LGSN: variants seen among roughly 807,000 people sequenced by gnomAD.
LGSN encodes lengsin, lens protein with glutamine synthetase domain, also known as lengsin.
A neutral mutation model predicts 19.5 loss-of-function variants in LGSN; 21 were observed. The observed-to-expected ratio is 1.07, with a 90% CI of 0.76 to 1.55. The LOEUF is 1.55. LGSN is among the 40% of genes most tolerant of loss of function. LGSN has a pLI of 0.00. For missense variants in LGSN, 673 were observed against 608.5 expected (o/e 1.11, Z -1.12); for synonymous variants, 257 against 215.6 (o/e 1.19, Z -1.68).
chr6:63,487,584 C>T, the LGSN span, among the ~76,000 whole-genome samples: 1 of 152,200 alleles, frequency 6.6e-6, no homozygotes, highest in Non-Finnish European at 1.5e-5. Context: ...GCATGGGCTT[C>T]AGGAGACAGA....
At chr6:63,323,559 TACACACACACACACACACAC>T (rs58400159), upstream of LGSN, among the ~76,000 whole-genome samples, 14 of 132,762 alleles carry the variant, frequency 1.1e-4, no homozygotes, top group Admixed American at 4.9e-4. Context: ...AAACCTCATA[TACACACACACACACACACAC>T]ACACACACAC....
chr6:63,503,951 T>C, the LGSN span, among the ~76,000 whole-genome samples: 4 of 151,906 alleles, frequency 2.6e-5, no homozygotes, highest in Middle Eastern at 3.2e-3. Flanking sequence ...ATGACAAATA[T>C]ATAAAAATTT....
chr6:63,416,597 A>G, the LGSN span, among the ~76,000 whole-genome samples: 1 of 151,980 alleles, frequency 6.6e-6, no homozygotes, highest in African/African-American at 2.4e-5. Context: ...TTTTTTTGAG[A>G]CGGAGTTTCA....
At chr6:63,512,003 C>A in the LGSN span, among the ~76,000 whole-genome samples, 5 of 152,022 alleles carry the variant, frequency 3.3e-5, no homozygotes, top group South Asian at 1.0e-3. Context: ...TACTATATGG[C>A]AAGAAGTATG....
the LGSN span, among the ~76,000 whole-genome samples, chr6:63,467,939 G>A: frequency 1.4e-4 from 21 of 151,776 alleles, no homozygotes; most frequent in African/African-American, 2.4e-5. Context: ...TGATCCACCC[G>A]CCTCAGCCTC....
At chr6:63,554,171 C>T in the LGSN span, among the ~76,000 whole-genome samples, 1 of 152,186 alleles carries the variant, frequency 6.6e-6, no homozygotes, top group Non-Finnish European at 1.5e-5. Context: ...ACAATCCTCA[C>T]CAGAAGTGTA....
At chr6:63,552,917 A>C in the LGSN span, among the ~76,000 whole-genome samples, 1 of 152,134 alleles carries the variant, frequency 6.6e-6, no homozygotes, top group Non-Finnish European at 1.5e-5. Context: ...CTGTTTTGGT[A>C]CTGTAGCCTT....
the LGSN span, among the ~76,000 whole-genome samples, chr6:63,504,712 G>T: frequency 1.3e-5 from 2 of 152,182 alleles, no homozygotes; most frequent in African/African-American, 4.8e-5. Flanking sequence ...CCAAAGTGCT[G>T]GGATTACAGG....
chr6:63,464,532 A>T, the LGSN span, among the ~76,000 whole-genome samples: 3,226 of 148,950 alleles, frequency 0.022, 135 homozygotes, highest in African/African-American at 0.075. Context: ...GTATGGAAAA[A>T]ATATATATAT....
At chr6:63,302,846 G>A (rs1267640341) in intron 1 of LGSN, among the ~76,000 whole-genome samples, 1 of 152,202 alleles carries the variant, frequency 6.6e-6, no homozygotes, top group South Asian at 2.1e-4. Context: ...TCTACACTCA[G>A]CCAGGCATGG....
At chr6:63,394,857 G>T in the LGSN span, 2 of 152,370 alleles carry the variant, frequency 1.3e-5, no homozygotes, top group Non-Finnish European at 2.9e-5. Context: ...AGGAAGACTT[G>T]CAGGAGGGCC....
At chr6:63,487,575 C>T in the LGSN span, among the ~76,000 whole-genome samples, 1 of 152,220 alleles carries the variant, frequency 6.6e-6, no homozygotes, top group Non-Finnish European at 1.5e-5. Context: ...TGTCTTCTTG[C>T]ATGGGCTTCA....
Position 63,289,626 on chromosome 6 carries a change from T to TA in LGSN, c.164-3874dup, listed in dbSNP as rs5876852. ...GTTTAGGGAAAAAATAAGAAAATAT[T>TA]AAAAAAAAAAAACCTTAAAGCTCTA... is the stretch of plus-strand genomic sequence containing the variant. On this transcript the variant is annotated intron_variant, in intron 2 of 3. Coordinates refer to ENST00000370657, the MANE Select transcript of LGSN (RefSeq NM_016571.3). Among the ~76,000 whole-genome samples, 1,238 of 145,964 alleles carry TA rather than the reference T, an allele frequency of 8.5e-3. 4 individuals are homozygous for TA. Among genetic ancestry groups the TA allele is most frequent in the Middle Eastern group, 0.014 (4 of 286 alleles).
chr6:63,481,226 G>A, the LGSN span, among the ~76,000 whole-genome samples: 7 of 152,162 alleles, frequency 4.6e-5, no homozygotes, highest in East Asian at 1.2e-3. Context: ...AAGGGGCGGT[G>A]CTAGGAATAA....
At chr6:63,442,926 G>T in the LGSN span, among the ~76,000 whole-genome samples, 1 of 152,248 alleles carries the variant, frequency 6.6e-6, no homozygotes, top group Non-Finnish European at 1.5e-5. Context: ...AGGACCACGG[G>T]TGGAGCTGCC....
chr6:63,364,703 A>G, the LGSN span, among the ~76,000 whole-genome samples: 1 of 149,922 alleles, frequency 6.7e-6, no homozygotes, highest in Non-Finnish European at 1.5e-5. Context: ...ACTCCTCAGC[A>G]AATGTAAAAG....
chr6:63,540,389 G>T, the LGSN span, among the ~76,000 whole-genome samples: 1 of 152,184 alleles, frequency 6.6e-6, no homozygotes, highest in East Asian at 1.9e-4. Context: ...GGGAGGCTGA[G>T]GCAGGCAGAT....
At chr6:63,554,814 T>A in the LGSN span, among the ~76,000 whole-genome samples, 3 of 152,186 alleles carry the variant, frequency 2.0e-5, no homozygotes, top group Admixed American at 6.5e-5. Context: ...TATCAAGCTG[T>A]ATTGTCACTG....
rs1767182554 is a variant in LGSN at position 63,278,950 on chromosome 6, T to C, written c.*1071A>G. 6.6e-6 allele frequency: 1 copy of C among 152,174 alleles called. No individual in the cohort carries two copies. The highest frequency in any genetic ancestry group is 6.6e-5 in the Admixed American group (1 of 15,262). 9.4% of individuals were successfully genotyped at this position (152,174 alleles called of 1,614,324 possible). A position where few individuals can be genotyped will look rare whatever the true frequency, so the allele number is the denominator to read the frequency against. ...AAATCTGCTGTTTGATCCTAAGCAGTAGAATAATGTTTCATTTGCTAGTAA... is the reference window on the plus strand; with the variant it reads ...AAATCTGCTGTTTGATCCTAAGCAGCAGAATAATGTTTCATTTGCTAGTAA... On this transcript the variant is annotated 3_prime_UTR_variant, in exon 4 of 4. Coordinates refer to ENST00000370657, the MANE Select transcript of LGSN (RefSeq NM_016571.3).
Sources: allele counts gnomAD v4.1 joint callset (sites outside exome capture counted in the v4.1 genomes callset), GRCh38; gene constraint gnomAD v4.1.1; transcripts MANE v1.5; gene names NCBI Gene and HGNC (gene_info 2026-07-23, HGNC 2026-07-21).